SLC19A1: variants seen among roughly 807,000 people sequenced by gnomAD.
SLC19A1 encodes the protein reduced folate transporter.
SLC19A1 carries 37 observed loss-of-function variants against 35.3 expected under a neutral mutation model. The ratio of observed to expected loss-of-function variants is 1.05; its 90% confidence interval spans 0.81 to 1.38. The LOEUF (loss-of-function observed/expected upper bound fraction) is 1.38. Ranked by LOEUF, SLC19A1 falls within the 40% of genes most tolerant of loss-of-function variation. The pLI, the probability that SLC19A1 is intolerant of heterozygous loss-of-function variation, is 0.00. For synonymous variants in SLC19A1, 460 were observed against 398.5 expected, an observed-to-expected ratio of 1.15 and a Z score of -1.84; for missense variants, 831 against 826.9, an observed-to-expected ratio of 1.00 and a Z score of -0.06.
chr21:45,504,568 C>G, intron 3 of SLC19A1: 1 of 1,565,322 alleles, frequency 6.4e-7, no homozygotes. Flanking sequence ...TAAGTCCCAG[C>G]CTGTGCAGGC....
chr21:45,541,403 G>C (rs147894510), intron 1 of SLC19A1, among the ~76,000 whole-genome samples: 5 of 152,340 alleles, frequency 3.3e-5, no homozygotes, highest in East Asian at 3.9e-4. Context: ...CGTAGGGGGA[G>C]GCCACCTCTT....
rs58227024 is a variant in SLC19A1, at chr21:45,516,062, A to C, written c.1372T>G (p.Cys458Gly). ...TGCCGCGGGTGGTGGCCCCGCTGGC[A>C]GTGCCGCAGGCCATCCAGCATGGCC... ...LGAMLDGLRHCQRGHHPRQPP... is the reference protein window; with the variant it reads ...LGAMLDGLRHGQRGHHPRQPP... Residue 458 changes from cysteine (C) to glycine (G), a missense_variant, in exon 6 of 6, where the codon TGC becomes GGC. Cys to Gly is a radical substitution (Grantham distance 159). Transcript: ENST00000311124. The C allele has an allele frequency of 2.3e-4, 364 of 1,591,026 alleles. 1 individual carries two copies. Among genetic ancestry groups the C allele is most frequent in the Admixed American group, 9.1e-5 (5 of 54,830 alleles).
intron 1 of SLC19A1, among the ~76,000 whole-genome samples, chr21:45,559,665 G>A (rs528241511): frequency 1.2e-4 from 18 of 152,302 alleles, no homozygotes; most frequent in Admixed American, 3.3e-4. Context: ...ACACCTGTGC[G>A]CGAGTTTTCT....
chr21:45,539,318 G>T (rs2078231992), intron 1 of SLC19A1, among the ~76,000 whole-genome samples: 1 of 152,248 alleles, frequency 6.6e-6, no homozygotes, highest in Admixed American at 6.5e-5. Context: ...GCTCAGGTGG[G>T]GTGGGGATGC....
intron 2 of SLC19A1, among the ~76,000 whole-genome samples, chr21:45,536,797 T>G (rs1489913578): frequency 6.6e-6 from 1 of 151,954 alleles, no homozygotes; most frequent in Non-Finnish European, 1.5e-5. Flanking sequence ...GATGGGCAGG[T>G]GAGCAGGCCC....
downstream of SLC19A1, among the ~76,000 whole-genome samples, chr21:45,512,011 C>T (rs953494137): frequency 6.6e-6 from 1 of 152,128 alleles, no homozygotes; most frequent in African/African-American, 2.4e-5. Flanking sequence ...GGAGATGCAG[C>T]CCCCTCCACA....
At chr21:45,508,671 G>A (rs1021311663), downstream of SLC19A1, among the ~76,000 whole-genome samples, 1 of 152,332 alleles carries the variant, frequency 6.6e-6, no homozygotes, top group South Asian at 2.1e-4. Flanking sequence ...GCTCCACAGC[G>A]GCCTGTCTCC....
chr21:45,549,075 C>A (rs746833945), upstream of SLC19A1, among the ~76,000 whole-genome samples: 14 of 152,182 alleles, frequency 9.2e-5, no homozygotes, highest in Non-Finnish European at 1.2e-4. Context: ...CCACAAAAGC[C>A]CATGCACAGG....
chr21:45,556,970 T>C (rs1480192929), intron 1 of SLC19A1, among the ~76,000 whole-genome samples: 1 of 152,064 alleles, frequency 6.6e-6, no homozygotes, highest in Admixed American at 6.6e-5. Context: ...CAGATGCATG[T>C]GTCTCCTGGG....
upstream of SLC19A1, among the ~76,000 whole-genome samples, chr21:45,548,607 G>A (rs1489937215): frequency 6.6e-6 from 1 of 152,140 alleles, no homozygotes; most frequent in Non-Finnish European, 1.5e-5. Flanking sequence ...AGGCTGGTGT[G>A]GTGGCGGGTG....
At chr21:45,504,571 G>T (rs547229026) in intron 3 of SLC19A1, 1 of 1,564,374 alleles carries the variant, frequency 6.4e-7, no homozygotes. Context: ...GTCCCAGCCT[G>T]TGCAGGCAGA....
chr21:45,509,725 G>GGCTCAGGGCC, downstream of SLC19A1: 1 of 728,034 alleles, frequency 1.4e-6, no homozygotes, highest in Non-Finnish European at 2.4e-6. Flanking sequence ...GGGGTCTGGC[G>GGCTCAGGGCC]GCTCAGGGCC....
chr21:45,509,598 G>A (rs544238376), downstream of SLC19A1: 110 of 1,460,604 alleles, frequency 7.5e-5, 1 homozygote, highest in South Asian at 4.5e-4. Flanking sequence ...ACTTCCAGCC[G>A]GTGGTGAGTG....
chr21:45,559,344 G>C (rs2078593446), intron 1 of SLC19A1, among the ~76,000 whole-genome samples: 1 of 152,122 alleles, frequency 6.6e-6, no homozygotes, highest in South Asian at 2.1e-4. Context: ...TGTGTATTTA[G>C]GTCGGTGAGG....
intron 1 of SLC19A1, among the ~76,000 whole-genome samples, chr21:45,552,789 C>T (rs574761047): frequency 2.1e-4 from 32 of 152,216 alleles, no homozygotes; most frequent in Admixed American, 3.9e-4. Flanking sequence ...TGACCTGACA[C>T]GGGAGTCTCT....
In SLC19A1 at chr21:45,531,571, C is replaced by T. The variant is rs779754042; in HGVS notation, c.767G>A (p.Arg256Gln). 1.2e-5 allele frequency: 19 copies of T among 1,612,334 alleles called. No homozygotes were observed. The Admixed American group carries it at 2.2e-4, about 18-fold the overall frequency. ...CCGCCGCAGGCTGTCCCCCAGCTCC[C>T]GCAGCATCCGCGCCAGCACTGAGTC... ...CGDSVLARML[R>Q]ELGDSLRRPQ... The change falls in exon 3 of 6, where the codon CGG becomes CAG. Residue 256 changes from arginine (R) to glutamine (Q), a missense_variant. By Grantham distance (43) the Arg-to-Gln change is conservative. Coordinates refer to ENST00000311124, the MANE Select transcript of SLC19A1 (RefSeq NM_194255.4).
intron 3 of SLC19A1, chr21:45,504,555 C>A: frequency 6.4e-7 from 1 of 1,570,162 alleles, no homozygotes; most frequent in Non-Finnish European, 8.6e-7. Flanking sequence ...CCTGGGATTC[C>A]AGTAAGTCCC....
At chr21:45,507,626 G>C, downstream of SLC19A1, 1 of 1,607,866 alleles carries the variant, frequency 6.2e-7, no homozygotes, top group Non-Finnish European at 8.5e-7. Context: ...AGACTGGTGG[G>C]TGGTCAGGAC....
Position 45,531,587 on chromosome 21 carries a change from G to A in SLC19A1, c.751C>T (p.Leu251=). 2 of 1,612,356 alleles carry A rather than the reference G, an allele frequency of 1.2e-6. No homozygotes were observed. The highest frequency in any genetic ancestry group is 2.2e-5 in the East Asian group (1 of 44,868). Residue 251 remains leucine, a synonymous_variant, in exon 3 of 6, where the codon CTG becomes TTG. Transcript: ENST00000311124. ...CCCAGCTCCCGCAGCATCCGCGCCA[G>A]CACTGAGTCCCCACAGGCCACCCGC... The part of the protein sequence containing the change: ...ALRVACGDSV[L]ARMLRELGDS...
Sources: allele counts gnomAD v4.1 joint callset (sites outside exome capture counted in the v4.1 genomes callset), GRCh38; gene constraint gnomAD v4.1.1; transcripts MANE v1.5; gene names NCBI Gene and HGNC (gene_info 2026-07-23, HGNC 2026-07-21).